Variants in PLEKHD1 observed in about 807,000 individuals in gnomAD.
PLEKHD1 encodes the protein pleckstrin homology domain-containing family D member 1.
Under a neutral mutation model 69.2 loss-of-function variants are expected in PLEKHD1, and 51 were observed. That is an observed-to-expected ratio of 0.74 (90% CI 0.59 to 0.93). The LOEUF (loss-of-function observed/expected upper bound fraction) is 0.93, where lower values mean the gene tolerates loss of function less well. Ranked by LOEUF, PLEKHD1 falls within the 40% of genes least tolerant of loss-of-function variation. PLEKHD1 has a pLI of 0.00. For synonymous variants in PLEKHD1, 236 were observed against 244.7 expected (o/e 0.96, Z 0.33); for missense variants, 584 against 641.0 (o/e 0.91, Z 0.96).
intron 6 of PLEKHD1, 150 bp downstream of exon 6, chr14:69,503,029 T>C: frequency 1.2e-6 from 1 of 832,316 alleles, no homozygotes; most frequent in Non-Finnish European, 1.9e-6. Context: ...ATCACAGTGC[T>C]TGCTTGGGAC....
chr14:69,519,653 G>A (rs924047596), intron 6 of PLEKHD1, among the ~76,000 whole-genome samples: 4 of 152,288 alleles, frequency 2.6e-5, no homozygotes, highest in Non-Finnish European at 5.9e-5. Flanking sequence ...CTGGCGTCAC[G>A]AGGCACTTAA....
Position 69,502,831 on chromosome 14 carries a change from A to C in PLEKHD1, c.507A>C (p.Lys169Asn). The change falls in exon 6 of 13, where the codon AAA becomes AAC. Residue 169 changes from lysine to asparagine, a missense_variant. Physicochemically the swap from Lys to Asn is moderately conservative, Grantham distance 94. Coordinates refer to ENST00000322564, the MANE Select transcript of PLEKHD1 (RefSeq NM_001161498.2). Reference protein sequence around the residue: ...LAKEKQEYLDKLMEETEELCL... With the variant: ...LAKEKQEYLDNLMEETEELCL... The stretch of plus-strand genomic sequence containing the variant: ...TGTGTGTGCTTGTTTTGGCAGACAA[A>C]CTGATGGAAGAGACCGAAGAACTCT... 1 of 1,551,586 alleles carries C rather than the reference A, an allele frequency of 6.4e-7. No individual in the cohort carries two copies. The highest frequency in any genetic ancestry group is 2.0e-5 in the Admixed American group (1 of 51,002).
Position 69,528,631 on chromosome 14 carries a change from C to T in PLEKHD1, c.*212C>T. 1.5e-6 allele frequency: 1 copy of T among 666,130 alleles called. No individual in the cohort carries two copies. Among genetic ancestry groups the T allele is most frequent in the South Asian group, 2.0e-5 (1 of 51,216 alleles). 41.3% of individuals were successfully genotyped at this position (666,130 alleles called of 1,614,324 possible). A position where few individuals can be genotyped will look rare whatever the true frequency, so the allele number is the denominator to read the frequency against. ...CTCACCCCACACCCCACCTTTGGGTCCACACCAGGGCCATGCAGGCCTGAG... is the reference window on the plus strand; with the variant it reads ...CTCACCCCACACCCCACCTTTGGGTTCACACCAGGGCCATGCAGGCCTGAG... On this transcript the variant is annotated 3_prime_UTR_variant, in exon 13 of 13. Coordinates refer to ENST00000322564, the MANE Select transcript of PLEKHD1 (RefSeq NM_001161498.2).
At chr14:69,503,137 CAA>C in intron 6 of PLEKHD1, 1 of 499,474 alleles carries the variant, frequency 2.0e-6, no homozygotes, top group Non-Finnish European at 3.7e-6. Context: ...AAGAGCCATC[CAA>C]AGTGTCATCA....
intron 11 of PLEKHD1, 128 bp downstream of exon 11, chr14:69,527,460 G>A (rs955823391): frequency 9.6e-6 from 13 of 1,352,594 alleles, no homozygotes; most frequent in Non-Finnish European, 1.2e-5. Context: ...ATATTGAAGG[G>A]TTTCTTCTCC....
At chr14:69,510,094 A>T (rs892384450) in intron 6 of PLEKHD1, among the ~76,000 whole-genome samples, 1 of 152,142 alleles carries the variant, frequency 6.6e-6, no homozygotes, top group African/African-American at 2.4e-5. Flanking sequence ...CAATGTCTTG[A>T]TTGCTGTAGC....
chr14:69,470,443 A>G, the PLEKHD1 span, among the ~76,000 whole-genome samples: 1 of 147,394 alleles, frequency 6.8e-6, no homozygotes, highest in East Asian at 2.0e-4. Flanking sequence ...AGCCTGGGTG[A>G]CAGAGATCAA....
At chr14:69,474,276 A>G in the PLEKHD1 span, among the ~76,000 whole-genome samples, 2 of 152,178 alleles carry the variant, frequency 1.3e-5, no homozygotes, top group Non-Finnish European at 2.9e-5. Context: ...ATATCTTACC[A>G]TATTTTCCTG....
intron 1 of PLEKHD1, among the ~76,000 whole-genome samples, chr14:69,490,188 C>T (rs890470091): frequency 2.6e-5 from 4 of 152,286 alleles, no homozygotes; most frequent in Admixed American, 6.5e-5. Flanking sequence ...CAGTCCCCAA[C>T]GTTTTTGGCA....
chr14:69,484,769 C>T lies in PLEKHD1; in HGVS notation c.-197C>T. The T allele has an allele frequency of 1.7e-6, 1 of 598,554 alleles. No individual in the cohort carries two copies. 37.1% of individuals were successfully genotyped at this position (598,554 alleles called of 1,614,324 possible). On this transcript the variant is annotated 5_prime_UTR_variant, in exon 1 of 13. Transcript: ENST00000322564. ...CCTCTGCAATCCGGAGCCCAAGCCG[C>T]CGGCTACGCGCCCTGCGCCCCCTTG...
intron 1 of PLEKHD1, 84 bp downstream of exon 1, chr14:69,485,198 C>A (rs1243685008): frequency 1.4e-6 from 2 of 1,422,936 alleles, no homozygotes; most frequent in Non-Finnish European, 1.9e-6. Flanking sequence ...CAGTCGCCGT[C>A]GTGCCTCTGC....
At chr14:69,525,725 C>T (rs1883630173) in intron 8 of PLEKHD1, among the ~76,000 whole-genome samples, 1 of 152,182 alleles carries the variant, frequency 6.6e-6, no homozygotes, top group African/African-American at 2.4e-5. Flanking sequence ...CACTGGAAGG[C>T]ACTTTGGGTT....
intron 11 of PLEKHD1, 48 bp downstream of exon 11, chr14:69,527,380 C>T: frequency 6.5e-7 from 1 of 1,549,496 alleles, no homozygotes; most frequent in Non-Finnish European, 8.7e-7. Flanking sequence ...CACTCAGCCC[C>T]AGATGGGATC....
At chr14:69,520,154 G>T (rs1360789909) in intron 6 of PLEKHD1, among the ~76,000 whole-genome samples, 1 of 118,588 alleles carries the variant, frequency 8.4e-6, no homozygotes, top group East Asian at 2.6e-4. Context: ...GTGACAGAGC[G>T]AGACTCTGTC....
intron 1 of PLEKHD1, among the ~76,000 whole-genome samples, chr14:69,494,604 A>G (rs1170612742): frequency 1.3e-5 from 2 of 152,254 alleles, no homozygotes; most frequent in Non-Finnish European, 1.5e-5. Flanking sequence ...TTAGCACAGA[A>G]GCCAATGCAT....
At chr14:69,504,105 G>A (rs1422786310) in intron 6 of PLEKHD1, among the ~76,000 whole-genome samples, 1 of 152,202 alleles carries the variant, frequency 6.6e-6, no homozygotes, top group South Asian at 2.1e-4. Flanking sequence ...ATCCATCTTA[G>A]GGATGTTGTG....
Position 69,522,376 on chromosome 14 carries a change from A to AGGT in PLEKHD1, c.650+10_650+12dup. The AGGT allele has an allele frequency of 4.5e-6, 7 of 1,551,178 alleles. No individual in the cohort carries two copies. Among genetic ancestry groups the AGGT allele is most frequent in the Non-Finnish European group, 6.1e-6 (7 of 1,146,842 alleles). ...GAGAATGGAGCAGGAGCAGATCAAG[A>AGGT]GGTGGTGGTGGTGCCTGGGAATTGG... On this transcript the variant is annotated inframe_insertion and splice_region_variant, in exon 7 of 13. Transcript: ENST00000322564.
rs201269806 is a variant in PLEKHD1 at position 69,501,664 on chromosome 14, A to T, written c.411-70A>T. 4 of 1,213,132 alleles carry T rather than the reference A, an allele frequency of 3.3e-6. No homozygotes were observed. In the East Asian group the frequency reaches 1.0e-4, roughly 31 times the overall value. 75.1% of individuals were successfully genotyped at this position (1,213,132 alleles called of 1,614,324 possible). On this transcript the variant is annotated intron_variant, in intron 4 of 12. Coordinates refer to ENST00000322564, the MANE Select transcript of PLEKHD1 (RefSeq NM_001161498.2). ...AACGTATGCCTTCTCTTTCCCCTCT[A>T]CCCTTCTGTTTTAATGATTTTCTGT...
chr14:69,514,797 G>A (rs1341889129), intron 6 of PLEKHD1, among the ~76,000 whole-genome samples: 2 of 152,100 alleles, frequency 1.3e-5, no homozygotes, highest in Non-Finnish European at 2.9e-5. Context: ...CCCACCTTAG[G>A]TAGAATAGCA....
Sources: gnomAD v4.1 joint callset for allele counts (sites outside exome capture counted in the v4.1 genomes callset) on GRCh38, gnomAD v4.1.1 for gene constraint, MANE v1.5 for transcripts, NCBI Gene and HGNC (gene_info 2026-07-23, HGNC 2026-07-21) for gene names.